Variants in GEMIN4 observed in about 807,000 individuals in gnomAD.
The protein encoded by GEMIN4 is gem nuclear organelle associated protein 4.
A neutral mutation model predicts 76.8 loss-of-function variants in GEMIN4; 59 were observed. The ratio of observed to expected loss-of-function variants is 0.77; its 90% confidence interval spans 0.62 to 0.95. The LOEUF (loss-of-function observed/expected upper bound fraction) is 0.95, where lower values mean the gene tolerates loss of function less well. Among genes scored for constraint, GEMIN4 ranks in the 40% least tolerant of loss-of-function variants. The pLI is 0.00. For missense variants in GEMIN4, 1,311 were observed against 1,318.9 expected (o/e 0.99, Z 0.09); for synonymous variants, 562 against 559.7 (o/e 1.00, Z -0.06).
chr17:752,266 A>C (rs566831725), upstream of GEMIN4: 59 of 1,226,446 alleles, frequency 4.8e-5, no homozygotes, highest in African/African-American at 8.7e-4. Flanking sequence ...AGGCCTGCTC[A>C]CAACCTCCGC....
In GEMIN4 at chr17:745,998, G is replaced by A. The variant is rs550280037; in HGVS notation, c.2045C>T (p.Ala682Val). Residue 682 changes from alanine to valine, a missense_variant, in exon 2 of 2, where the codon GCG (alanine) becomes GTG (valine). By Grantham distance (64) the Ala-to-Val change is moderately conservative. This residue lies in a region of GEMIN4 where 1,208 missense variants were observed against 1,166.9 expected (regional missense o/e 1.04). Coordinates refer to ENST00000319004, the MANE Select transcript of GEMIN4 (RefSeq NM_015721.3). The surrounding 1 kb of genome is among the most constrained non-coding windows in gnomAD (Gnocchi z 4.6). ...CTGGAGCCAGTATTCCTCTCGGCAC[G>A]CGTTTGCCTCTAGAGTCTGGATGAA... ...RIFIQTLEAN[A>V]CREEYWLQTC... 1.9e-6 allele frequency: 3 copies of A among 1,613,526 alleles called. No individual in the cohort carries two copies. The highest frequency in any genetic ancestry group is 1.7e-5 in the Admixed American group (1 of 60,008).
rs1003772261 is a variant in GEMIN4 at position 752,217 on chromosome 17, G to T, written c.-75C>A. The stretch of plus-strand genomic sequence containing the variant: ...AACTCGAACGCGGCGCGGGACGCAC[G>T]GCACGATGGGAGACGCAGGAGCCAC... On this transcript the variant is annotated 5_prime_UTR_variant, in exon 1 of 2. Coordinates refer to ENST00000319004, the MANE Select transcript of GEMIN4 (RefSeq NM_015721.3). 2 of 1,229,844 alleles carry T rather than the reference G, an allele frequency of 1.6e-6. No individual in the cohort carries two copies. Among genetic ancestry groups the T allele is most frequent in the African/African-American group, 3.1e-5 (2 of 64,358 alleles). The allele number at this position is 1,229,844 out of a possible 1,614,324, so 76.2% of individuals were successfully genotyped here. A position where few individuals can be genotyped will look rare whatever the true frequency, so the allele number is the denominator to read the frequency against.
chr17:746,699 G>C lies in GEMIN4; in HGVS notation c.1344C>G (p.Phe448Leu), dbSNP rs573450739. The change falls in exon 2 of 2, where the codon TTC becomes TTG. Residue 448 changes from phenylalanine (F) to leucine (L), a missense_variant. Coordinates refer to ENST00000319004, the MANE Select transcript of GEMIN4 (RefSeq NM_015721.3). The surrounding 1 kb of genome is among the most constrained non-coding windows in gnomAD (Gnocchi z 4.3). Reference protein sequence around the residue: ...VACLGSNRALFRQPDLVLRLL... With the variant: ...VACLGSNRALLRQPDLVLRLL... The stretch of plus-strand genomic sequence containing the variant: ...GCCTCAACACCAAGTCTGGCTGTCG[G>C]AAGAGGGCCCTGTTACTCCCCAGGC... The C allele has an allele frequency of 6.2e-7, 1 of 1,613,474 alleles. No homozygotes were observed. Among genetic ancestry groups the C allele is most frequent in the African/African-American group, 1.3e-5 (1 of 74,906 alleles).
intron 1 of GEMIN4, among the ~76,000 whole-genome samples, chr17:750,195 C>T (rs1238556583): frequency 6.8e-6 from 1 of 147,486 alleles, no homozygotes; most frequent in Non-Finnish European, 1.5e-5. Context: ...CCTCCATCTC[C>T]GAAAAAAAAA....
In GEMIN4 at chr17:746,631, A is replaced by C; in HGVS notation, c.1412T>G (p.Ile471Ser). 1 of 1,613,572 alleles carries C rather than the reference A, an allele frequency of 6.2e-7. No homozygotes were observed. Among genetic ancestry groups the C allele is most frequent in the Non-Finnish European group, 8.5e-7 (1 of 1,179,878 alleles). The change falls in exon 2 of 2, where the codon ATC becomes AGC. Residue 471 changes from isoleucine (I) to serine (S), a missense_variant. Coordinates refer to ENST00000319004, the MANE Select transcript of GEMIN4 (RefSeq NM_015721.3). The surrounding 1 kb of genome is among the most constrained non-coding windows in gnomAD (Gnocchi z 4.3). ...VIDVSTADRA[I>S]PESQIRQVIH... ...CACCTGCCGGATCTGAGACTCAGGG[A>C]TGGCTCTGTCAGCTGTGCTGACGTC...
rs1424874900 is a variant in GEMIN4 at position 747,427 on chromosome 17, C to G, written c.616G>C (p.Asp206His). The G allele has an allele frequency of 6.2e-7, 1 of 1,613,774 alleles. No individual in the cohort carries two copies. The highest frequency in any genetic ancestry group is 8.5e-7 in the Non-Finnish European group (1 of 1,179,882). The part of the protein sequence containing the change: ...FPHPPKRLRS[D>H]PDACPTMPLL... ...GGCATGGTGGGGCACGCGTCTGGGT[C>G]TGACCTAAGCCTCTTTGGAGGATGG... The change falls in exon 2 of 2, where the codon GAC (aspartate) becomes CAC (histidine). Residue 206 changes from aspartate (D) to histidine (H), a missense_variant. Transcript: ENST00000319004.
rs562143356 is a variant in GEMIN4, at chr17:746,139, A to G, written c.1904T>C (p.Val635Ala). Residue 635 changes from valine to alanine, a missense_variant, in exon 2 of 2, where the codon GTG (valine) becomes GCG (alanine). Val to Ala is a moderately conservative substitution (Grantham distance 64). This residue lies in a region of GEMIN4 where 1,208 missense variants were observed against 1,166.9 expected (regional missense o/e 1.04). Transcript: ENST00000319004. The surrounding 1 kb of genome is among the most constrained non-coding windows in gnomAD (Gnocchi z 4.3). ...AGCCACTGGAATCCCTTGGGGTTTC[A>G]CGGGACTCATCAGGCAGTTCAGGAG... ...LELLNCLMSP[V>A]KPQGIPVAAL... The G allele has an allele frequency of 8.7e-6, 14 of 1,613,838 alleles. No homozygotes were observed. The highest frequency in any genetic ancestry group is 8.0e-5 in the African/African-American group (6 of 74,920).
rs1437818640 is a variant in GEMIN4 at position 746,697 on chromosome 17, C to T, written c.1346G>A (p.Arg449Gln). The T allele has an allele frequency of 6.2e-6, 10 of 1,613,426 alleles. No homozygotes were observed. The East Asian group carries it at 6.7e-5, about 11-fold the overall frequency. ...ACLGSNRALF[R>Q]QPDLVLRLLE... ...CAGCCTCAACACCAAGTCTGGCTGT[C>T]GGAAGAGGGCCCTGTTACTCCCCAG... The change falls in exon 2 of 2, where the codon CGA becomes CAA. Residue 449 changes from arginine (R) to glutamine (Q), a missense_variant. Around this residue, in one of 2 missense-constraint regions of GEMIN4, gnomAD observed 1,208 missense variants for 1,166.9 expected, o/e 1.04. Coordinates refer to ENST00000319004, the MANE Select transcript of GEMIN4 (RefSeq NM_015721.3). The surrounding 1 kb of genome is among the most constrained non-coding windows in gnomAD (Gnocchi z 4.3).
At position 746,871 on chromosome 17, in the gene GEMIN4, C is replaced by T. The variant is rs768872258; in HGVS notation, c.1172G>A (p.Ser391Asn). ...CAAGGCCCTGTTCTTCAGCACCGTG[C>T]TCGTTTTCCTCAGGAAGTCCCTGAC... ...ECVRDFLRKTSTVLKNRALED... is the reference protein window; with the variant it reads ...ECVRDFLRKTNTVLKNRALED... The change falls in exon 2 of 2, where the codon AGC (serine) becomes AAC (asparagine). Residue 391 changes from serine to asparagine, a missense_variant. Transcript: ENST00000319004. The surrounding 1 kb of genome is among the most constrained non-coding windows in gnomAD (Gnocchi z 4.3). 5.6e-6 allele frequency: 9 copies of T among 1,613,540 alleles called. No individual in the cohort carries two copies. The highest frequency in any genetic ancestry group is 2.5e-6 in the Non-Finnish European group (3 of 1,179,628).
intron 1 of GEMIN4, chr17:748,418 T>G (rs1904400268): frequency 5.2e-6 from 1 of 191,594 alleles, no homozygotes; most frequent in Admixed American, 5.7e-5. Context: ...GAGAGGTATC[T>G]GCCCAGAGGG....
At position 746,039 on chromosome 17, in the gene GEMIN4, G is replaced by T. The variant is rs1457338248; in HGVS notation, c.2004C>A (p.Asp668Glu). ...TCTGGATGAAGATCCTCAGACTGAG[G>T]TCTACCTCTTCAACATCTAACCTCA... ...PFLRLDVEEV[D>E]LSLRIFIQTL... is the part of the protein sequence containing the mutation. Residue 668 changes from aspartate to glutamate, a missense_variant, in exon 2 of 2, where the codon GAC (aspartate) becomes GAA (glutamate). By Grantham distance (45) the Asp-to-Glu change is conservative. Transcript: ENST00000319004. This position sits in a 1 kb window ranked among gnomAD's most constrained non-coding sequence, Gnocchi z 4.3. 1 of 1,613,900 alleles carries T rather than the reference G, an allele frequency of 6.2e-7. No homozygotes were observed. The highest frequency in any genetic ancestry group is 8.5e-7 in the Non-Finnish European group (1 of 1,179,882).
In GEMIN4 at chr17:745,500, A is replaced by G. The variant is rs1290049554; in HGVS notation, c.2543T>C (p.Leu848Pro). ...VDVGNPEEVR[L>P]FSKGFLVALV... ...GGCCACCAGAAAGCCTTTGCTGAAC[A>G]GTCTGACCTCCTCAGGATTGCCCAC... Residue 848 changes from leucine (L) to proline (P), a missense_variant, in exon 2 of 2, where the codon CTG (leucine) becomes CCG (proline). Physicochemically the swap from Leu to Pro is moderately conservative, Grantham distance 98 (BLOSUM62 -3). Coordinates refer to ENST00000319004, the MANE Select transcript of GEMIN4 (RefSeq NM_015721.3). The surrounding 1 kb of genome is among the most constrained non-coding windows in gnomAD (Gnocchi z 4.6). 9.9e-6 allele frequency: 16 copies of G among 1,611,958 alleles called. No homozygotes were observed. The highest frequency in any genetic ancestry group is 1.3e-5 in the Non-Finnish European group (15 of 1,179,838).
Position 752,203 on chromosome 17 carries a change from G to C in GEMIN4, c.-61C>G. ...CCCTCCCCTCCGAGAACTCGAACGC[G>C]GCGCGGGACGCACGGCACGATGGGA... On this transcript the variant is annotated 5_prime_UTR_variant, in exon 1 of 2. Transcript: ENST00000319004. 1 of 1,230,996 alleles carries C rather than the reference G, an allele frequency of 8.1e-7. No homozygotes were observed. The allele number at this position is 1,230,996 out of a possible 1,614,324, so 76.3% of individuals were successfully genotyped here. A position where few individuals can be genotyped will look rare whatever the true frequency, so the allele number is the denominator to read the frequency against.
At chr17:748,613 C>A (rs1904417416) in intron 1 of GEMIN4, 1 of 203,236 alleles carries the variant, frequency 4.9e-6, no homozygotes, top group Admixed American at 5.5e-5. Flanking sequence ...CAGGACATGA[C>A]AGCTGAGCTT....
rs767938945 is a variant in GEMIN4, at chr17:747,788, C to T, written c.255G>A (p.Pro85=). ...AKVLQPHPVT[P]SDTETRWQED... is the part of the protein sequence containing the mutation. ...CCTGCCACCGTGTCTCTGTGTCGGA[C>T]GGGGTCACGGGGTGCGGCTGCAGAA... The change falls in exon 2 of 2, where the codon CCG becomes CCA. Residue 85 remains proline (P), a synonymous_variant. Coordinates refer to ENST00000319004, the MANE Select transcript of GEMIN4 (RefSeq NM_015721.3). The T allele has an allele frequency of 3.4e-5, 55 of 1,612,798 alleles. No homozygotes were observed. The highest frequency in any genetic ancestry group is 6.7e-5 in the African/African-American group (5 of 74,656).
intron 1 of GEMIN4, 162 bp downstream of exon 1, chr17:751,971 C>T (rs1373023094): frequency 2.2e-6 from 1 of 445,674 alleles, no homozygotes; most frequent in Non-Finnish European, 3.7e-6. Flanking sequence ...GGACCACCCC[C>T]CGCCAAGGCC....
intron 1 of GEMIN4, chr17:748,259 G>C: frequency 1.8e-6 from 1 of 542,606 alleles, no homozygotes; most frequent in Admixed American, 3.4e-5. Context: ...GAGGCCACCA[G>C]GTGACATCAC....
rs1277390751 is a variant in GEMIN4, at chr17:747,453, G to A, written c.590C>T (p.Pro197Leu). The A allele has an allele frequency of 5.6e-6, 9 of 1,613,772 alleles. No individual in the cohort carries two copies. Among genetic ancestry groups the A allele is most frequent in the Non-Finnish European group, 7.6e-6 (9 of 1,179,868 alleles). Residue 197 changes from proline to leucine, a missense_variant, in exon 2 of 2, where the codon CCC (proline) becomes CTC (leucine). By Grantham distance (98) the Pro-to-Leu change is moderately conservative. This residue lies in a region of GEMIN4 where 1,208 missense variants were observed against 1,166.9 expected (regional missense o/e 1.04). Transcript: ENST00000319004. ...TGACCTAAGCCTCTTTGGAGGATGG[G>A]GGAACTCATCTAAGGCAGGCAGGTA... is the stretch of plus-strand genomic sequence containing the variant. ...HKYLPALDEF[P>L]HPPKRLRSDP...
At chr17:751,897 CTCCGTGT>C (rs1904719569) in intron 1 of GEMIN4, 3 of 381,400 alleles carry the variant, frequency 7.9e-6, no homozygotes, top group South Asian at 2.9e-4. Flanking sequence ...TTCACGTCTG[CTCCGTGT>C]TTTCAAGCGC....
Sources: allele counts gnomAD v4.1 joint callset (sites outside exome capture counted in the v4.1 genomes callset), GRCh38; gene constraint gnomAD v4.1.1; regional missense constraint gnomAD v4.1.1; non-coding constraint Gnocchi (gnomAD v3.1); transcripts MANE v1.5; gene names NCBI Gene and HGNC (gene_info 2026-07-23, HGNC 2026-07-21).